SDK1: variants seen among roughly 807,000 people sequenced by gnomAD.
SDK1 encodes protein sidekick-1.
Under a neutral mutation model 245.5 loss-of-function variants are expected in SDK1, and 157 were observed. That is an observed-to-expected ratio of 0.64 (90% CI 0.56 to 0.73). The LOEUF is 0.73. Ranked by LOEUF, SDK1 falls within the 30% of genes least tolerant of loss-of-function variation. The pLI, the probability that SDK1 is intolerant of heterozygous loss-of-function variation, is 0.00. For synonymous variants in SDK1, 1,647 were observed against 1,278.5 expected, an observed-to-expected ratio of 1.29 and a Z score of -6.15; for missense variants, 3,583 against 3,002.3, an observed-to-expected ratio of 1.19 and a Z score of -4.52.
intron 4 of SDK1, among the ~76,000 whole-genome samples, chr7:3,790,431 A>G (rs1456594597): frequency 6.6e-6 from 1 of 152,128 alleles, no homozygotes; most frequent in African/African-American, 2.4e-5. Flanking sequence ...TCTGCAGAGA[A>G]TAGTGTGGAA....
chr7:3,920,466 C>T (rs1398772391), intron 5 of SDK1, among the ~76,000 whole-genome samples: 1 of 152,004 alleles, frequency 6.6e-6, no homozygotes, highest in Non-Finnish European at 1.5e-5. Flanking sequence ...CAGGGAGTAG[C>T]TTCTAAGACT....
chr7:3,626,367 A>G (rs1379130036), intron 2 of SDK1, among the ~76,000 whole-genome samples: 1 of 152,266 alleles, frequency 6.6e-6, no homozygotes, highest in Non-Finnish European at 1.5e-5. Flanking sequence ...ATAGTCAGCT[A>G]TAGTTTCTAA....
intron 19 of SDK1, among the ~76,000 whole-genome samples, chr7:4,061,054 A>G (rs1185887094): frequency 6.6e-6 from 1 of 152,194 alleles, no homozygotes; most frequent in Non-Finnish European, 1.5e-5. Flanking sequence ...GCCTTGTAGT[A>G]TAGTTTGAAG....
intron 1 of SDK1, among the ~76,000 whole-genome samples, chr7:3,605,558 C>A (rs1310886601): frequency 1.3e-5 from 2 of 152,084 alleles, no homozygotes; most frequent in Admixed American, 1.3e-4. Context: ...ATTATTGATT[C>A]CATTATATAT....
intron 1 of SDK1, among the ~76,000 whole-genome samples, chr7:3,304,353 AG>A (rs1410591370): frequency 1.3e-5 from 2 of 152,168 alleles, no homozygotes; most frequent in Non-Finnish European, 2.9e-5. Context: ...GCCAGCTGTG[AG>A]TGGTTTGGAA....
intron 1 of SDK1, among the ~76,000 whole-genome samples, chr7:3,601,893 G>C (rs1189215236): frequency 9.4e-5 from 13 of 138,474 alleles, no homozygotes; most frequent in Non-Finnish European, 1.8e-4. Flanking sequence ...TGTTATCATT[G>C]TTCAATTCCC....
intron 4 of SDK1, among the ~76,000 whole-genome samples, chr7:3,646,388 C>G (rs1782835575): frequency 6.6e-6 from 1 of 152,028 alleles, no homozygotes; most frequent in Non-Finnish European, 1.5e-5. Flanking sequence ...GTTGAATATC[C>G]TATTAATAAT....
At chr7:3,499,141 T>G (rs977512105) in intron 1 of SDK1, among the ~76,000 whole-genome samples, 1 of 152,232 alleles carries the variant, frequency 6.6e-6, no homozygotes. Context: ...ATTATTTGTT[T>G]GGAAAAACCT....
intron 1 of SDK1, among the ~76,000 whole-genome samples, chr7:3,516,962 C>G (rs373474170): frequency 3.3e-5 from 5 of 152,182 alleles, no homozygotes; most frequent in Middle Eastern, 3.4e-3. Flanking sequence ...TAACCAGATA[C>G]TTTATCTTTT....
chr7:3,996,732 A>C (rs1784719624), intron 14 of SDK1, among the ~76,000 whole-genome samples: 1 of 152,184 alleles, frequency 6.6e-6, no homozygotes, highest in Non-Finnish European at 1.5e-5. Flanking sequence ...TATTCTAACG[A>C]CTTTTCCATT....
At chr7:3,748,218 C>G (rs927723250) in intron 4 of SDK1, among the ~76,000 whole-genome samples, 11 of 152,116 alleles carry the variant, frequency 7.2e-5, no homozygotes, top group African/African-American at 2.4e-4. Context: ...AATGATGTAT[C>G]TAACATACAC....
intron 13 of SDK1, among the ~76,000 whole-genome samples, chr7:3,985,572 C>A (rs151061641): frequency 6.6e-6 from 1 of 152,136 alleles, no homozygotes; most frequent in African/African-American, 2.4e-5. Context: ...GAGGATCGCC[C>A]AAGGCCAGGA....
intron 2 of SDK1, among the ~76,000 whole-genome samples, chr7:3,626,277 T>C (rs867647156): frequency 6.6e-6 from 1 of 152,184 alleles, no homozygotes; most frequent in African/African-American, 2.4e-5. Flanking sequence ...GAGGACAAAA[T>C]TGAGTCTATT....
At chr7:3,507,903 A>AT (rs1413005402) in intron 1 of SDK1, among the ~76,000 whole-genome samples, 2 of 152,142 alleles carry the variant, frequency 1.3e-5, no homozygotes, top group South Asian at 4.1e-4. Context: ...AGTGTTATTG[A>AT]TGACTCCCCT....
chr7:3,971,821 C>G (rs978336087), intron 12 of SDK1, among the ~76,000 whole-genome samples: 1 of 152,110 alleles, frequency 6.6e-6, no homozygotes. Flanking sequence ...TTTTTCCTGC[C>G]AAGGTTAATA....
intron 5 of SDK1, among the ~76,000 whole-genome samples, chr7:3,880,568 TTA>T (rs1491053717): frequency 6.8e-6 from 1 of 146,474 alleles, no homozygotes; most frequent in Non-Finnish European, 1.5e-5. Flanking sequence ...TTTTTTTTTT[TTA>T]AGAACATGCA....
rs3801062 is a variant in SDK1 at position 4,268,392 on chromosome 7, C to T, written c.*3008C>T. 2.7e-4 allele frequency: 286 copies of T among 1,070,182 alleles called. No individual in the cohort carries two copies. Among genetic ancestry groups the T allele is most frequent in the Middle Eastern group, 1.4e-3 (3 of 2,204 alleles). The allele number at this position is 1,070,182 out of a possible 1,614,324, so 66.3% of individuals were successfully genotyped here. A position where few individuals can be genotyped will look rare whatever the true frequency, so the allele number is the denominator to read the frequency against. The stretch of plus-strand genomic sequence containing the variant: ...CTGCACGGCCACCTTCTGGGTGAAT[C>T]GGTCCAGCCCAAGCCCCTCTCCCCA... On this transcript the variant is annotated 3_prime_UTR_variant, in exon 45 of 45. Transcript: ENST00000404826.
intron 4 of SDK1, among the ~76,000 whole-genome samples, chr7:3,651,381 G>C (rs1783009685): frequency 6.6e-6 from 1 of 152,100 alleles, no homozygotes; most frequent in Non-Finnish European, 1.5e-5. Flanking sequence ...AATGAAATTA[G>C]AAAAAAGCAA....
At chr7:4,210,288 G>A (rs534770349) in intron 38 of SDK1, 126 bp downstream of exon 38, 3 of 1,064,348 alleles carry the variant, frequency 2.8e-6, no homozygotes, top group South Asian at 2.7e-5. Context: ...TGAAGTGGGG[G>A]GTTTTGGAAT....
Sources: allele counts gnomAD v4.1 joint callset (sites outside exome capture counted in the v4.1 genomes callset), GRCh38; gene constraint gnomAD v4.1.1; transcripts MANE v1.5; gene names NCBI Gene and HGNC (gene_info 2026-07-23, HGNC 2026-07-21).